The following ASIC2 variants were observed in gnomAD, a reference collection of about 807,000 sequenced individuals.
ASIC2 encodes acid sensing ion channel subunit 2, also known as acid-sensing ion channel 2.
Under a neutral mutation model 57.3 loss-of-function variants are expected in ASIC2, and 25 were observed. The observed-to-expected ratio is 0.44, with a 90% CI of 0.32 to 0.61. The LOEUF is 0.61. ASIC2 is among the 20% of genes least tolerant of loss of function. The pLI is 0.06. For missense variants in ASIC2, 641 were observed against 738.1 expected (o/e 0.87, Z 1.52); for synonymous variants, 319 against 307.5 (o/e 1.04, Z -0.39).
chr17:33,719,818 C>T (rs1444548481), intron 1 of ASIC2, among the ~76,000 whole-genome samples: 1 of 152,186 alleles, frequency 6.6e-6, no homozygotes, highest in East Asian at 1.9e-4. Context: ...CAAACTTATC[C>T]CTTCAAAGGA....
intron 1 of ASIC2, among the ~76,000 whole-genome samples, chr17:33,976,291 T>C (rs1040117684): frequency 2.0e-5 from 3 of 152,052 alleles, no homozygotes; most frequent in Non-Finnish European, 4.4e-5. Flanking sequence ...AGTCTCAGAC[T>C]TCTGGTTGTG....
rs145870924 is a variant in ASIC2, at chr17:33,956,672, C to T, written c.555+199306G>A. Among the ~76,000 whole-genome samples, 606 of 152,346 alleles carry T rather than the reference C, an allele frequency of 4.0e-3. 7 individuals are homozygous for T. Among genetic ancestry groups the T allele is most frequent in the African/African-American group, 0.014 (576 of 41,584 alleles). ...TGTCAGAACCCCATAGCAGTTTCTC[C>T]TCCTAACAGTCAGCACACTTGCAGC... On this transcript the variant is annotated intron_variant, in intron 1 of 9. Transcript: ENST00000359872.
chr17:33,714,529 G>A (rs1020613643), intron 1 of ASIC2, among the ~76,000 whole-genome samples: 1 of 152,154 alleles, frequency 6.6e-6, no homozygotes, highest in Non-Finnish European at 1.5e-5. Context: ...TGCCATTTGT[G>A]TTAAATAAAA....
chr17:33,160,554 T>G (rs930105621), intron 1 of ASIC2, among the ~76,000 whole-genome samples: 1 of 152,258 alleles, frequency 6.6e-6, no homozygotes, highest in East Asian at 1.9e-4. Context: ...TCTAGGCTAC[T>G]TGGAGATCAT....
At chr17:33,884,914 G>C (rs1190103529) in intron 1 of ASIC2, among the ~76,000 whole-genome samples, 2 of 152,170 alleles carry the variant, frequency 1.3e-5, no homozygotes, top group Non-Finnish European at 2.9e-5. Flanking sequence ...CATTACTTGG[G>C]GAGTTCCGAC....
intron 1 of ASIC2, chr17:33,112,791 A>G (rs1462193569): frequency 1.3e-5 from 2 of 152,240 alleles, no homozygotes; most frequent in Admixed American, 1.3e-4. Flanking sequence ...AGGATTCCAG[A>G]TGACCTTCTC....
chr17:33,282,095 T>TA (rs1476733936), intron 1 of ASIC2, among the ~76,000 whole-genome samples: 10 of 152,258 alleles, frequency 6.6e-5, no homozygotes. Context: ...TTACCCAGCC[T>TA]CGTTCACTAA....
chr17:33,179,433 GA>G (rs1905890937), intron 1 of ASIC2, among the ~76,000 whole-genome samples: 1 of 152,214 alleles, frequency 6.6e-6, no homozygotes, highest in Non-Finnish European at 1.5e-5. Context: ...AAGTTGGGCA[GA>G]AATCACAATG....
chr17:33,560,096 A>G (rs941247530), intron 1 of ASIC2, among the ~76,000 whole-genome samples: 3 of 152,224 alleles, frequency 2.0e-5, no homozygotes, highest in Non-Finnish European at 4.4e-5. Flanking sequence ...AGCTCTTAAG[A>G]TGAATACAGC....
intron 1 of ASIC2, among the ~76,000 whole-genome samples, chr17:33,848,117 C>T (rs752988376): frequency 3.2e-4 from 48 of 152,136 alleles, no homozygotes; most frequent in African/African-American, 3.9e-4. Context: ...TTGCATTACA[C>T]GCTCTGCCTT....
intron 1 of ASIC2, among the ~76,000 whole-genome samples, chr17:33,956,142 G>GAATAAAGGA (rs2141988451): frequency 6.6e-6 from 1 of 152,266 alleles, no homozygotes; most frequent in South Asian, 2.1e-4. Flanking sequence ...ATGAATCACT[G>GAATAAAGGA]AATAAAGGAA....
intron 1 of ASIC2, among the ~76,000 whole-genome samples, chr17:33,867,342 G>A (rs1914269575): frequency 6.6e-6 from 1 of 152,120 alleles, no homozygotes; most frequent in South Asian, 2.1e-4. Flanking sequence ...TCACGGTAAT[G>A]ATTTATTTAT....
chr17:33,997,720 A>T (rs911428336), intron 1 of ASIC2, among the ~76,000 whole-genome samples: 7 of 151,364 alleles, frequency 4.6e-5, no homozygotes, highest in Admixed American at 2.0e-4. Context: ...CTAGGGATAA[A>T]TCCCACTGGA....
chr17:33,321,914 C>A (rs1032224466), intron 1 of ASIC2, among the ~76,000 whole-genome samples: 7 of 152,188 alleles, frequency 4.6e-5, no homozygotes, highest in African/African-American at 1.7e-4. Flanking sequence ...CATTTCACAG[C>A]ATTAGAAGTT....
chr17:33,450,916 C>T (rs1912223237), intron 1 of ASIC2, among the ~76,000 whole-genome samples: 1 of 152,208 alleles, frequency 6.6e-6, no homozygotes, highest in African/African-American at 2.4e-5. Context: ...GGCAGAGCTC[C>T]ATGCCAACAT....
chr17:33,898,451 T>A (rs1915158066), intron 1 of ASIC2, among the ~76,000 whole-genome samples: 1 of 151,976 alleles, frequency 6.6e-6, no homozygotes, highest in South Asian at 2.1e-4. Flanking sequence ...TTAGCCAGGA[T>A]GGTCTTGATC....
intron 1 of ASIC2, among the ~76,000 whole-genome samples, chr17:33,884,233 T>C (rs1914771182): frequency 2.6e-5 from 4 of 152,170 alleles, no homozygotes; most frequent in Admixed American, 2.0e-4. Flanking sequence ...TCAGGATATT[T>C]ATTTCCCCAA....
intron 1 of ASIC2, among the ~76,000 whole-genome samples, chr17:33,915,220 G>C (rs374692811): frequency 6.6e-6 from 1 of 152,168 alleles, no homozygotes; most frequent in African/African-American, 2.4e-5. Flanking sequence ...TCTGAGACCT[G>C]GGAGCAAGAA....
At chr17:34,151,114 A>AT (rs199771032) in intron 1 of ASIC2, among the ~76,000 whole-genome samples, 7,706 of 147,290 alleles carry the variant, frequency 0.052, 324 homozygotes, top group Admixed American at 0.11. Context: ...AGAAAAAAAA[A>AT]AAAAAAAAAA....
Sources: gnomAD v4.1 joint callset for allele counts (sites outside exome capture counted in the v4.1 genomes callset) on GRCh38, gnomAD v4.1.1 for gene constraint, MANE v1.5 for transcripts, NCBI Gene and HGNC (gene_info 2026-07-23, HGNC 2026-07-21) for gene names.